The following PLXNB3 variants were observed in gnomAD, a reference collection of about 807,000 sequenced individuals.
PLXNB3 encodes plexin-B3.
In PLXNB3, 80 loss-of-function variants were observed where a neutral mutation model predicts 125.7. The ratio of observed to expected loss-of-function variants is 0.64; its 90% confidence interval spans 0.53 to 0.77. The LOEUF is 0.77. PLXNB3 is among the 30% of genes least tolerant of loss of function. PLXNB3 has a pLI of 0.00. For synonymous variants in PLXNB3, 954 were observed against 783.3 expected, an observed-to-expected ratio of 1.22 and a Z score of -3.64; for missense variants, 1,836 against 1,729.3, an observed-to-expected ratio of 1.06 and a Z score of -1.09.
intron 16 of PLXNB3, chrX:153,772,559 T>C: frequency 1.8e-6 from 1 of 561,104 alleles, no homozygotes; most frequent in Non-Finnish European, 2.6e-6. Context: ...GGGTGGGTTC[T>C]GCCCAAAGAG....
chrX:153,766,517 G>A, intron 2 of PLXNB3: 2 of 1,021,469 alleles, frequency 2.0e-6, no homozygotes, highest in Non-Finnish European at 2.5e-6. Flanking sequence ...GTGACTCACA[G>A]TCCCTCTGTT....
chrX:153,768,383 G>A lies in PLXNB3; in HGVS notation c.1221G>A (p.Gly407=). 1 of 1,208,584 alleles carries A rather than the reference G, an allele frequency of 8.3e-7. No homozygotes were observed. Residue 407 remains glycine (G), a synonymous_variant, in exon 4 of 36, where the codon GGG becomes GGA. Transcript: ENST00000361971. ...CCGTGGCAGCTCTCCAGGCAGATGG[G>A]CACATGATAGCCTTCCTGGGGGACA... ...VSAVAALQAD[G]HMIAFLGDTQ... is the part of the protein sequence containing the mutation.
intron 31 of PLXNB3, 92 bp from the exon 32 acceptor site, chrX:153,777,856 T>G (rs2092013851): frequency 8.1e-6 from 9 of 1,109,959 alleles, no homozygotes; most frequent in Non-Finnish European, 1.1e-5. Flanking sequence ...GGCCCCTGGC[T>G]CCGAGTGTGT....
At chrX:153,769,344 GC>G in intron 6 of PLXNB3, 82 bp downstream of exon 6, 1 of 793,078 alleles carries the variant, frequency 1.3e-6, no homozygotes, top group Non-Finnish European at 1.8e-6. Context: ...CCCTAGGCGT[GC>G]CGGGAGGCCA....
At chrX:153,771,433 G>A (rs2091928626) in intron 13 of PLXNB3, 30 bp downstream of exon 13, 2 of 1,207,648 alleles carry the variant, frequency 1.7e-6, no homozygotes, top group Non-Finnish European at 1.1e-6. Context: ...GGCAGGCGGG[G>A]CAGGGTGGGT....
At position 153,771,953 on chromosome X, in the gene PLXNB3, C is replaced by T. The variant is rs782484596; in HGVS notation, c.2607C>T (p.Tyr869=). Residue 869 remains tyrosine, a synonymous_variant, in exon 15 of 36, where the codon TAC becomes TAT. Coordinates refer to ENST00000361971, the MANE Select transcript of PLXNB3 (RefSeq NM_005393.3). ...NLGRAFADVQ[Y]AVSVASRPCN... is the part of the protein sequence containing the mutation. ...GCCGGGCCTTCGCCGATGTGCAGTA[C>T]GCCGTGAGCGTGGCCAGCCGGCCCT... is the stretch of plus-strand genomic sequence containing the variant. The T allele has an allele frequency of 1.4e-5, 17 of 1,207,601 alleles. No individual in the cohort carries two copies. The highest frequency in any genetic ancestry group is 1.0e-4 in the African/African-American group (6 of 57,684).
intron 3 of PLXNB3, 93 bp downstream of exon 3, chrX:153,768,006 A>T: frequency 1.0e-6 from 1 of 956,789 alleles, no homozygotes; most frequent in Non-Finnish European, 1.4e-6. Flanking sequence ...AGTGCCAGCC[A>T]ACCTCTCAGC....
At position 153,770,848 on chromosome X, in the gene PLXNB3, T is replaced by C; in HGVS notation, c.2101T>C (p.Leu701=). The C allele has an allele frequency of 8.3e-7, 1 of 1,208,815 alleles. No homozygotes were observed. Among genetic ancestry groups the C allele is most frequent in the African/African-American group, 1.7e-5 (1 of 57,886 alleles). The change falls in exon 11 of 36, where the codon TTG becomes CTG. Residue 701 remains leucine (L), a synonymous_variant. Transcript: ENST00000361971. ...GGTGCCTGTGGGCTGGGAGAGCCATTTGGCCCTACGCGTGCGGAACCTTCA... is the reference window on the plus strand; with the variant it reads ...GGTGCCTGTGGGCTGGGAGAGCCATCTGGCCCTACGCGTGCGGAACCTTCA... ...HLVPVGWESH[L]ALRVRNLQHF...
At chrX:153,766,636 C>T (rs2091861740) in intron 2 of PLXNB3, 1 of 753,334 alleles carries the variant, frequency 1.3e-6, no homozygotes, top group African/African-American at 2.3e-5. Context: ...CGTGCATGCA[C>T]CCCTCCCTGC....
In PLXNB3 at chrX:153,778,693, C is replaced by T. The variant is rs782186623; in HGVS notation, c.5625+19C>T. On this transcript the variant is annotated intron_variant, in intron 35 of 35. Transcript: ENST00000361971. ...TGATCAGGTGAGGCCCAGGGCACTC[C>T]GGAGGGGAGGCACAGTGGAGCGGGA... is the stretch of plus-strand genomic sequence containing the variant. 16 of 1,181,187 alleles carry T rather than the reference C, an allele frequency of 1.4e-5. No individual in the cohort carries two copies. Among genetic ancestry groups the T allele is most frequent in the Admixed American group, 2.3e-5 (1 of 43,636 alleles).
chrX:153,766,020 T>G, intron 2 of PLXNB3: 1 of 1,034,651 alleles, frequency 9.7e-7, no homozygotes, highest in Non-Finnish European at 1.2e-6. Context: ...GGTCTGCTCT[T>G]CTCCTGGGAC....
At position 153,765,936 on chromosome X, in the gene PLXNB3, C is replaced by A. The variant is rs111744145; in HGVS notation, c.45+356C>A. 5.3e-6 allele frequency: 4 copies of A among 753,120 alleles called. No homozygotes were observed. In the Admixed American group the frequency reaches 3.4e-4, roughly 65 times the overall value. 62.1% of individuals were successfully genotyped at this position (753,120 alleles called of 1,213,427 possible). ...GGGCTCACCCCGGGGTCCCACCAGG[C>A]ACACCCAGGAACCATCTCCAGTCTG... On this transcript the variant is annotated intron_variant, in intron 2 of 35. Coordinates refer to ENST00000361971, the MANE Select transcript of PLXNB3 (RefSeq NM_005393.3).
chrX:153,767,360 T>C lies in PLXNB3; in HGVS notation c.533T>C (p.Val178Ala), dbSNP rs1557059621. 5.9e-6 allele frequency: 7 copies of C among 1,195,861 alleles called. No homozygotes were observed. The highest frequency in any genetic ancestry group is 7.9e-6 in the Non-Finnish European group (7 of 887,728). Residue 178 changes from valine (V) to alanine (A), a missense_variant, in exon 3 of 36, where the codon GTG (valine) becomes GCG (alanine). By Grantham distance (64) the Val-to-Ala change is moderately conservative (BLOSUM62 0). Coordinates refer to ENST00000361971, the MANE Select transcript of PLXNB3 (RefSeq NM_005393.3). ...TPGVATVGLV[V>A]PLPGRDLLLV... ...GGAGTGGCAACGGTGGGGCTGGTGGTGCCCTTGCCCGGCCGGGACCTCCTG... is the reference window on the plus strand; with the variant it reads ...GGAGTGGCAACGGTGGGGCTGGTGGCGCCCTTGCCCGGCCGGGACCTCCTG...
At chrX:153,769,725 G>A (rs1343596278) in intron 6 of PLXNB3, 82 bp from the exon 7 acceptor site, 25 of 1,034,760 alleles carry the variant, frequency 2.4e-5, no homozygotes, top group South Asian at 6.7e-5. Flanking sequence ...CTCCAGCTGG[G>A]CCGGCCTCCC....
rs1557062131 is a variant in PLXNB3 at position 153,772,009 on chromosome X, C to T, written c.2663C>T (p.Ser888Leu). The T allele has an allele frequency of 3.4e-6, 4 of 1,189,881 alleles. No homozygotes were observed. Among genetic ancestry groups the T allele is most frequent in the South Asian group, 1.9e-5 (1 of 53,961 alleles). The change falls in exon 15 of 36, where the codon TCG (serine) becomes TTG (leucine). Residue 888 changes from serine (S) to leucine (L), a missense_variant. Transcript: ENST00000361971. Reference protein sequence around the residue: ...CNPEPSLYRTSARIVCVTSPA... With the variant: ...CNPEPSLYRTLARIVCVTSPA... Reference sequence around the variant, plus strand: ...CCTGAGCCCTCTCTCTACCGCACGTCGGCCCGGTGAGGCACTTGGAGGGTG... The same window carrying T: ...CCTGAGCCCTCTCTCTACCGCACGTTGGCCCGGTGAGGCACTTGGAGGGTG...
rs782232680 is a variant in PLXNB3, at chrX:153,773,194, G to C, written c.2907-36G>C. On this transcript the variant is annotated intron_variant, in intron 17 of 35. Transcript: ENST00000361971. ...CCAGGGCTGGGGTAGAGGGGTGGTA[G>C]AGCCGAGATGAGAGACCCCACTACC... 9 of 1,162,060 alleles carry C rather than the reference G, an allele frequency of 7.7e-6. 1 individual carries two copies. In the Admixed American group the frequency reaches 1.2e-4, roughly 15 times the overall value.
intron 1 of PLXNB3, among the ~76,000 whole-genome samples, 166 bp downstream of exon 1, chrX:153,764,470 C>T (rs1197954128): frequency 2.7e-5 from 3 of 112,863 alleles, no homozygotes; most frequent in African/African-American, 9.6e-5. Context: ...GCACGGTGTC[C>T]CCCAAGTGGT....
At chrX:153,766,347 G>C (rs1557059187) in intron 2 of PLXNB3, 1 of 1,135,220 alleles carries the variant, frequency 8.8e-7, no homozygotes, top group Non-Finnish European at 1.2e-6. Flanking sequence ...TCCCTGTCTG[G>C]TCCCTTGGGG....
chrX:153,771,878 C>G lies in PLXNB3; in HGVS notation c.2532C>G (p.Thr844=), dbSNP rs782567003. ...APSIDAVEPL[T]GPPEGGLALT... is the part of the protein sequence containing the mutation. ...GCCTGCTGCAGGTCGAGCCCCTGAC[C>G]GGTCCCCCTGAGGGAGGCTTGGCCC... Residue 844 remains threonine, a synonymous_variant, in exon 15 of 36, where the codon ACC becomes ACG. Coordinates refer to ENST00000361971, the MANE Select transcript of PLXNB3 (RefSeq NM_005393.3). The G allele has an allele frequency of 8.3e-7, 1 of 1,208,349 alleles. No homozygotes were observed. Among genetic ancestry groups the G allele is most frequent in the Non-Finnish European group, 1.1e-6 (1 of 894,657 alleles).
Sources: allele counts gnomAD v4.1 joint callset (sites outside exome capture counted in the v4.1 genomes callset), GRCh38; gene constraint gnomAD v4.1.1; transcripts MANE v1.5; gene names NCBI Gene and HGNC (gene_info 2026-07-23, HGNC 2026-07-21).